The following TMEM230 variants were observed in gnomAD, a reference collection of about 807,000 sequenced individuals.
The protein encoded by TMEM230 is transmembrane protein 230, also known as UPF0414 transmembrane protein C20orf30.
TMEM230 carries 10 observed loss-of-function variants against 15.8 expected under a neutral mutation model. The ratio of observed to expected loss-of-function variants is 0.63; its 90% CI spans 0.39 to 1.07. The LOEUF (loss-of-function observed/expected upper bound fraction) is 1.07, where lower values mean the gene tolerates loss of function less well. Ranked by LOEUF, TMEM230 falls within the 50% of genes least tolerant of loss-of-function variation. The pLI is 0.01. For synonymous variants in TMEM230, 67 were observed against 76.9 expected (o/e 0.87, Z 0.68); for missense variants, 165 against 193.3 (o/e 0.85, Z 0.87).
intron 3 of TMEM230, among the ~76,000 whole-genome samples, chr20:5,092,587 A>G (rs1234105626): frequency 6.6e-6 from 1 of 152,056 alleles, no homozygotes; most frequent in East Asian, 1.9e-4. Flanking sequence ...GTGGTGGCAC[A>G]TGCCTGTAAT....
intron 3 of TMEM230, among the ~76,000 whole-genome samples, chr20:5,085,275 CT>C (rs2089300844): frequency 6.6e-6 from 1 of 151,788 alleles, no homozygotes; most frequent in African/African-American, 2.4e-5. Flanking sequence ...GCTCCTGAAT[CT>C]TTTTTTGTTT....
At chr20:5,097,751 T>C (rs566165724), downstream of TMEM230, among the ~76,000 whole-genome samples, 1 of 152,194 alleles carries the variant, frequency 6.6e-6, no homozygotes, top group Non-Finnish European at 1.5e-5. Context: ...TTCTCCTGCC[T>C]CAGCCTCCTG....
Position 5,083,536 on chromosome 20 carries a change from G to A in TMEM230, c.223-14187C>T, listed in dbSNP as rs1201800672. Among the ~76,000 whole-genome samples the A allele has an allele frequency of 3.9e-5, 6 of 152,062 alleles. No individual in the cohort carries two copies. The East Asian group carries it at 1.2e-3, about 29-fold the overall frequency. ...CTATTAGGGCACTCAAGTACACACA[G>A]ATTTCCTTAATATACCTTTGACTTT... On this transcript the variant is annotated intron_variant, in intron 3 of 3. Coordinates refer to the TMEM230 transcript ENST00000612323.
At chr20:5,061,153 A>G in the TMEM230 span, 1 of 152,202 alleles carries the variant, frequency 6.6e-6, no homozygotes, top group Non-Finnish European at 1.5e-5. Context: ...ATATTATGAT[A>G]TCAATACCTT....
intron 3 of TMEM230, among the ~76,000 whole-genome samples, chr20:5,089,234 G>C (rs2089440632): frequency 1.3e-5 from 2 of 152,134 alleles, no homozygotes; most frequent in East Asian, 3.9e-4. Context: ...AATTAGCCGG[G>C]CGTGGTGGCA....
the TMEM230 span, among the ~76,000 whole-genome samples, chr20:5,059,925 C>T: frequency 6.7e-6 from 1 of 148,894 alleles, no homozygotes; most frequent in East Asian, 2.0e-4. Context: ...GCAACCACTA[C>T]CATGCCTGGC....
intron 3 of TMEM230, among the ~76,000 whole-genome samples, chr20:5,107,748 A>G (rs2090151907): frequency 6.6e-6 from 1 of 151,498 alleles, no homozygotes. Context: ...CAGAAGGTCA[A>G]GGTTACAGTG....
intron 3 of TMEM230, among the ~76,000 whole-genome samples, chr20:5,077,995 C>G (rs1468108105): frequency 6.6e-6 from 1 of 152,170 alleles, no homozygotes; most frequent in Non-Finnish European, 1.5e-5. Flanking sequence ...CTTAGCTTCA[C>G]TGAGGTGATA....
rs144929003 is a variant in TMEM230 at position 5,088,003 on chromosome 20, T to TAAA, written c.222+18182_222+18184dup. On this transcript the variant is annotated intron_variant, in intron 3 of 3. Transcript: ENST00000612323. ...CCACCACACCCAGCCAGGATATACC[T>TAAA]AAAAAAAAAAAAAAAAGTTTCAAGG... 3.6e-3 allele frequency among the ~76,000 whole-genome samples: 410 copies of TAAA among 113,442 alleles called. 2 individuals are homozygous for TAAA. Among genetic ancestry groups the TAAA allele is most frequent in the African/African-American group, 6.2e-3 (193 of 31,186 alleles). The allele number at this position is 113,442 out of a possible 152,430, so 74.4% of individuals were successfully genotyped here. A position where few individuals can be genotyped will look rare whatever the true frequency, so the allele number is the denominator to read the frequency against.
exon 4 of TMEM230, chr20:5,068,882 A>T: frequency 3.6e-6 from 1 of 281,558 alleles, no homozygotes; most frequent in Non-Finnish European, 6.8e-6. Context: ...CGCTCTCAGT[A>T]CCAAGGATGG....
intron 3 of TMEM230, among the ~76,000 whole-genome samples, chr20:5,077,731 A>G (rs2089047689): frequency 6.6e-6 from 1 of 151,912 alleles, no homozygotes. Flanking sequence ...CTACTTGGGT[A>G]GTTGAGGCAG....
At chr20:5,097,628 T>C (rs924899084), downstream of TMEM230, among the ~76,000 whole-genome samples, 6 of 152,192 alleles carry the variant, frequency 3.9e-5, no homozygotes, top group Non-Finnish European at 5.9e-5. Flanking sequence ...CTTTGCCTTA[T>C]AATTTTTTTT....
intron 3 of TMEM230, among the ~76,000 whole-genome samples, chr20:5,086,082 A>G (rs1453979345): frequency 6.6e-6 from 1 of 152,050 alleles, no homozygotes; most frequent in African/African-American, 2.4e-5. Flanking sequence ...TGTATGTATT[A>G]TAGTTCACAA....
At chr20:5,112,900 C>T in intron 1 of TMEM230, 61 bp downstream of exon 1, 1 of 1,548,500 alleles carries the variant, frequency 6.5e-7, no homozygotes, top group Non-Finnish European at 8.7e-7. Context: ...AGCGCGGTCT[C>T]GGACACGCCC....
chr20:5,108,936 C>T (rs748998716), intron 3 of TMEM230, among the ~76,000 whole-genome samples: 6 of 152,052 alleles, frequency 3.9e-5, no homozygotes, highest in Middle Eastern at 3.4e-3. Flanking sequence ...AAAAGGTGAA[C>T]GGGCTTTGAC....
chr20:5,080,401 A>C (rs1039898443), intron 3 of TMEM230, among the ~76,000 whole-genome samples: 6 of 152,164 alleles, frequency 3.9e-5, no homozygotes, highest in African/African-American at 1.4e-4. Context: ...TGCTGTGTTA[A>C]CTGATACAAT....
intron 1 of TMEM230, 176 bp downstream of exon 1, chr20:5,112,785 G>A: frequency 1.3e-6 from 2 of 1,486,966 alleles, no homozygotes; most frequent in Non-Finnish European, 1.8e-6. Flanking sequence ...GAACCGACGC[G>A]AATTTAGACG....
chr20:5,110,287 G>GT lies in TMEM230; in HGVS notation c.175-843dup, dbSNP rs113672230. Among the ~76,000 whole-genome samples the GT allele has an allele frequency of 2.9e-3, 422 of 143,758 alleles. 2 individuals carry two copies. The highest frequency in any genetic ancestry group is 2.8e-3 in the Non-Finnish European group (182 of 65,196). 94.3% of individuals were successfully genotyped at this position (143,758 alleles called of 152,430 possible). ...GGTGGCCGGGCTGGTCTTGAACTCAGTTTTTTTTTTTTTCTTTGCGATAGT... is the reference window on the plus strand; with the variant it reads ...GGTGGCCGGGCTGGTCTTGAACTCAGTTTTTTTTTTTTTTCTTTGCGATAGT... On this transcript the variant is annotated intron_variant, in intron 2 of 4. Transcript: ENST00000342308.
intron 3 of TMEM230, among the ~76,000 whole-genome samples, chr20:5,083,313 G>A (rs1357856610): frequency 7.1e-6 from 1 of 141,626 alleles, no homozygotes; most frequent in Non-Finnish European, 1.5e-5. Flanking sequence ...TTTTTTTTAG[G>A]AGCAGAGGTT....
Sources: allele counts gnomAD v4.1 joint callset (sites outside exome capture counted in the v4.1 genomes callset), GRCh38; gene constraint gnomAD v4.1.1; transcripts MANE v1.5; gene names NCBI Gene and HGNC (gene_info 2026-07-23, HGNC 2026-07-21).